Variants in FLACC1 observed in about 807,000 individuals in gnomAD.
FLACC1 encodes flagellum associated containing coiled-coil domains 1.
Under a neutral mutation model 62.8 loss-of-function variants are expected in FLACC1, and 66 were observed. The ratio of observed to expected loss-of-function variants is 1.05; its 90% CI spans 0.86 to 1.29. The LOEUF (loss-of-function observed/expected upper bound fraction) is 1.29. FLACC1 is among the 50% of genes most tolerant of loss of function. FLACC1 has a pLI of 0.00. For missense variants in FLACC1, 452 were observed against 489.1 expected, an observed-to-expected ratio of 0.92 and a Z score of 0.71; for synonymous variants, 156 against 161.0, an observed-to-expected ratio of 0.97 and a Z score of 0.24.
chr2:201,297,320 T>A (rs1043557435), intron 12 of FLACC1, among the ~76,000 whole-genome samples: 1 of 152,088 alleles, frequency 6.6e-6, no homozygotes, highest in Non-Finnish European at 1.5e-5. Context: ...TGTGAACAGA[T>A]GAGCTCACCA....
chr2:201,301,642 A>C (rs1159881392), intron 11 of FLACC1, among the ~76,000 whole-genome samples: 1 of 152,238 alleles, frequency 6.6e-6, no homozygotes, highest in Non-Finnish European at 1.5e-5. Flanking sequence ...GATTCACCAA[A>C]GTTGAAATGA....
intron 11 of FLACC1, among the ~76,000 whole-genome samples, chr2:201,306,160 A>G (rs1308234854): frequency 6.6e-6 from 1 of 152,034 alleles, no homozygotes; most frequent in East Asian, 1.9e-4. Context: ...ATGGCTGGGG[A>G]GGCCTCAGGA....
rs1021118013 is a variant in FLACC1 at position 201,322,561 on chromosome 2, TA to T, written c.675+7908del. ...ACATCCTTAAGTGGAAAAAAGAAAT[TA>T]AAAAACAAACACAAAAAGAAACACA... On this transcript the variant is annotated intron_variant, in intron 9 of 14. Transcript: ENST00000392257. Among the ~76,000 whole-genome samples, 10 of 151,788 alleles carry T rather than the reference TA, an allele frequency of 6.6e-5. No homozygotes were observed. In the South Asian group the frequency reaches 8.4e-4, roughly 13 times the overall value.
chr2:201,347,202 C>T (rs997119507), intron 4 of FLACC1, among the ~76,000 whole-genome samples: 4 of 152,250 alleles, frequency 2.6e-5, no homozygotes, highest in Non-Finnish European at 2.9e-5. Context: ...TCCCATTAGA[C>T]GCCAAGTCAG....
chr2:201,350,578 G>A, intron 3 of FLACC1, 133 bp downstream of exon 3: 1 of 729,500 alleles, frequency 1.4e-6, no homozygotes, highest in South Asian at 1.8e-5. Context: ...CTACTCGAGA[G>A]GCTGAGGCAG....
At chr2:201,327,885 G>A (rs989201589) in intron 9 of FLACC1, among the ~76,000 whole-genome samples, 3 of 152,128 alleles carry the variant, frequency 2.0e-5, no homozygotes, top group Non-Finnish European at 4.4e-5. Flanking sequence ...ACAATTCACA[G>A]TTGCAAAGAT....
chr2:201,339,066 C>CTTTTTTTTTTTTTT (rs1559414089), intron 7 of FLACC1, among the ~76,000 whole-genome samples: 2 of 151,984 alleles, frequency 1.3e-5, no homozygotes, highest in African/African-American at 4.8e-5. Context: ...TGTTGGGAGA[C>CTTTTTTTTTTTTTT]TTTTTATTAC....
intron 11 of FLACC1, among the ~76,000 whole-genome samples, chr2:201,300,734 A>G (rs1949963625): frequency 6.6e-6 from 1 of 151,668 alleles, no homozygotes. Context: ...GCTTTCAGAG[A>G]AACGATCAGG....
intron 12 of FLACC1, among the ~76,000 whole-genome samples, chr2:201,291,275 C>A (rs1949728667): frequency 6.6e-6 from 1 of 152,218 alleles, no homozygotes; most frequent in Non-Finnish European, 1.5e-5. Context: ...GAGGCACCCC[C>A]CAGTAGGGGC....
intron 11 of FLACC1, 60 bp downstream of exon 11, chr2:201,307,459 G>A: frequency 4.0e-6 from 5 of 1,252,286 alleles, no homozygotes; most frequent in Non-Finnish European, 5.9e-6. Flanking sequence ...CACACCTGGG[G>A]ACTTGGGTGT....
chr2:201,351,265 G>A, intron 2 of FLACC1, 27 bp downstream of exon 2: 1 of 1,548,246 alleles, frequency 6.5e-7, no homozygotes, highest in African/African-American at 1.4e-5. Context: ...AGGTCCCTGT[G>A]CCTACCCCAT....
Position 201,306,110 on chromosome 2 carries a change from A to G in FLACC1, c.879+1409T>C, listed in dbSNP as rs1282012208. 2.0e-5 allele frequency among the ~76,000 whole-genome samples: 3 copies of G among 149,388 alleles called. No individual in the cohort carries two copies. The South Asian group carries it at 6.4e-4, about 32-fold the overall frequency. Reference sequence around the variant, plus strand: ...AATTAAAAAAAGAATAAAAAAAAAAAGAAAGAAAAGAGGTTTAATTGGCTC... The same window carrying G: ...AATTAAAAAAAGAATAAAAAAAAAAGGAAAGAAAAGAGGTTTAATTGGCTC... On this transcript the variant is annotated intron_variant, in intron 11 of 14. Coordinates refer to ENST00000392257, the MANE Select transcript of FLACC1 (RefSeq NM_001127391.3).
intron 11 of FLACC1, among the ~76,000 whole-genome samples, chr2:201,299,617 C>T (rs1437119951): frequency 6.6e-6 from 1 of 152,058 alleles, no homozygotes; most frequent in African/African-American, 2.4e-5. Flanking sequence ...CAATGAAATC[C>T]CAGTCAAAAT....
In FLACC1 at chr2:201,346,506, GC is replaced by G; in HGVS notation, c.368+35del. The G allele has an allele frequency of 6.2e-7, 1 of 1,609,398 alleles. No homozygotes were observed. Reference sequence around the variant, plus strand: ...GGCCGGGCTGAGCTGGGTGGGAGTAGCCCCAAGCAGCTGCATGTTGCTGCAA... The same window carrying G: ...GGCCGGGCTGAGCTGGGTGGGAGTAGCCCAAGCAGCTGCATGTTGCTGCAA... On this transcript the variant is annotated intron_variant, in intron 5 of 14. Coordinates refer to ENST00000392257, the MANE Select transcript of FLACC1 (RefSeq NM_001127391.3). The surrounding 1 kb of genome is among the most constrained non-coding windows in gnomAD (Gnocchi z 4.0).
In FLACC1 at chr2:201,289,510, T is replaced by C; in HGVS notation, c.1089A>G (p.Glu363=). 6.2e-7 allele frequency: 1 copy of C among 1,614,242 alleles called. No homozygotes were observed. The highest frequency in any genetic ancestry group is 8.5e-7 in the Non-Finnish European group (1 of 1,180,046). Residue 363 remains glutamate (E), a synonymous_variant, in exon 14 of 15, where the codon GAA becomes GAG. Transcript: ENST00000392257. The stretch of plus-strand genomic sequence containing the variant: ...TCTGTATGGTGTGCTTATACTTTTC[T>C]TCAGTTTCAGCAAACTTGGTTTGAA... ...KMLQTKFAET[E]EKYKHTIQIL... is the part of the protein sequence containing the mutation.
chr2:201,296,660 A>G (rs1255355453), intron 12 of FLACC1, among the ~76,000 whole-genome samples: 3 of 152,140 alleles, frequency 2.0e-5, no homozygotes, highest in Non-Finnish European at 2.9e-5. Context: ...CTTACAGTAT[A>G]ATAAAAAAAA....
intron 1 of FLACC1, among the ~76,000 whole-genome samples, chr2:201,355,490 G>C (rs544323856): frequency 6.6e-6 from 1 of 152,008 alleles, no homozygotes; most frequent in African/African-American, 2.4e-5. Context: ...TTTGATGAAT[G>C]TGTAGTTGTT....
chr2:201,362,706 A>G, the FLACC1 span, among the ~76,000 whole-genome samples: 1 of 152,228 alleles, frequency 6.6e-6, no homozygotes, highest in African/African-American at 2.4e-5. Flanking sequence ...AAAGACATAG[A>G]GAAAAGCTGC....
intron 10 of FLACC1, 53 bp from the exon 11 acceptor site, chr2:201,307,675 G>T: frequency 7.7e-7 from 1 of 1,291,006 alleles, no homozygotes; most frequent in Non-Finnish European, 1.1e-6. Context: ...AAAAGCAGGT[G>T]CAATGAGAAA....
Sources: allele counts gnomAD v4.1 joint callset (sites outside exome capture counted in the v4.1 genomes callset), GRCh38; gene constraint gnomAD v4.1.1; non-coding constraint Gnocchi (gnomAD v3.1); transcripts MANE v1.5; gene names NCBI Gene and HGNC (gene_info 2026-07-23, HGNC 2026-07-21).